The following ZNF728 variants were observed in gnomAD, a reference collection of about 807,000 sequenced individuals.
ZNF728 encodes zinc finger protein 728.
Under a neutral mutation model 12.5 loss-of-function variants are expected in ZNF728, and 12 were observed. The ratio of observed to expected loss-of-function variants is 0.96; its 90% confidence interval spans 0.61 to 1.55. The LOEUF (loss-of-function observed/expected upper bound fraction) is 1.55, where lower values mean the gene tolerates loss of function less well. Ranked by LOEUF, ZNF728 falls within the 40% of genes most tolerant of loss-of-function variation. The probability of loss-of-function intolerance (pLI) is 0.00; values close to 1 mark genes in which losing one functional copy is unlikely to be tolerated. For missense variants in ZNF728, 692 were observed against 719.2 expected, an observed-to-expected ratio of 0.96 and a Z score of 0.43; for synonymous variants, 205 against 240.7, an observed-to-expected ratio of 0.85 and a Z score of 1.37.
chr19:22,979,450 C>T (rs1305337720), intron 3 of ZNF728, among the ~76,000 whole-genome samples: 2 of 152,058 alleles, frequency 1.3e-5, no homozygotes, highest in African/African-American at 4.8e-5. Flanking sequence ...TTCAGGATAT[C>T]ATCCAGGAGA....
chr19:22,990,695 C>A (rs559483299), intron 1 of ZNF728, among the ~76,000 whole-genome samples: 3 of 152,098 alleles, frequency 2.0e-5, no homozygotes, highest in African/African-American at 7.2e-5. Context: ...ATACTTGATT[C>A]TGGCCTCACC....
In ZNF728 at chr19:22,976,482, T is replaced by G; in HGVS notation, c.855A>C (p.Lys285Asn). 6.2e-7 allele frequency: 1 copy of G among 1,613,136 alleles called. No homozygotes were observed. Among genetic ancestry groups the G allele is most frequent in the South Asian group, 1.1e-5 (1 of 91,076 alleles). ...KRSHAGEKPY[K>N]CEECGKAFSK... ...TAAAGGCTTTGCCACATTCTTCACATTTGTAGGGTTTCTCTCCAGCATGAC... is the reference window on the plus strand; with the variant it reads ...TAAAGGCTTTGCCACATTCTTCACAGTTGTAGGGTTTCTCTCCAGCATGAC... Residue 285 changes from lysine (K) to asparagine (N), a missense_variant, in exon 4 of 4, where the codon AAA becomes AAC. By Grantham distance (94) the Lys-to-Asn change is moderately conservative. Coordinates refer to ENST00000594710, the MANE Select transcript of ZNF728 (RefSeq NM_001267716.2).
chr19:22,982,513 A>G (rs1211274303), intron 3 of ZNF728, among the ~76,000 whole-genome samples: 1 of 152,200 alleles, frequency 6.6e-6, no homozygotes, highest in African/African-American at 2.4e-5. Flanking sequence ...TGAAAAAACT[A>G]AATTTAATAT....
At chr19:22,991,212 T>G (rs916872697) in intron 1 of ZNF728, among the ~76,000 whole-genome samples, 2 of 152,196 alleles carry the variant, frequency 1.3e-5, no homozygotes, top group Non-Finnish European at 1.5e-5. Flanking sequence ...GAAAACAACA[T>G]GTGCACATGT....
intron 3 of ZNF728, among the ~76,000 whole-genome samples, chr19:22,985,332 G>T (rs1227953988): frequency 6.6e-6 from 1 of 152,134 alleles, no homozygotes; most frequent in Non-Finnish European, 1.5e-5. Context: ...TGACAAAAAT[G>T]TCTTAATGAG....
At chr19:22,981,095 CTGA>C (rs139538017) in intron 3 of ZNF728, among the ~76,000 whole-genome samples, 17,820 of 151,520 alleles carry the variant, frequency 0.12, 1,541 homozygotes, top group African/African-American at 0.24. Context: ...AATCCAGGGG[CTGA>C]TTTTTTGAAA....
In ZNF728 at chr19:22,975,372, T is replaced by C; in HGVS notation, c.*96A>G. 10 of 1,159,458 alleles carry C rather than the reference T, an allele frequency of 8.6e-6. No homozygotes were observed. Among genetic ancestry groups the C allele is most frequent in the Non-Finnish European group, 1.1e-5 (9 of 817,926 alleles). 71.8% of individuals were successfully genotyped at this position (1,159,458 alleles called of 1,614,324 possible). A position where few individuals can be genotyped will look rare whatever the true frequency, so the allele number is the denominator to read the frequency against. On this transcript the variant is annotated 3_prime_UTR_variant, in exon 4 of 4. Transcript: ENST00000594710. ...AAGGATTGAGGAACAGTTAAAAAAT[T>C]TGCCACATTCTTCACATTTGTAGGG...
In ZNF728 at chr19:22,976,473, T is replaced by G; in HGVS notation, c.864A>C (p.Glu288Asp). ...HAGEKPYKCE[E>D]CGKAFSKAST... ...AGGCCTTACTAAAGGCTTTGCCACA[T>G]TCTTCACATTTGTAGGGTTTCTCTC... The change falls in exon 4 of 4, where the codon GAA (glutamate) becomes GAC (aspartate). Residue 288 changes from glutamate (E) to aspartate (D), a missense_variant. Glu to Asp is a conservative substitution (Grantham distance 45). This residue lies in a region of ZNF728 where 440 missense variants were observed against 459.6 expected (regional missense o/e 0.96). Coordinates refer to ENST00000594710, the MANE Select transcript of ZNF728 (RefSeq NM_001267716.2). 1 of 1,613,262 alleles carries G rather than the reference T, an allele frequency of 6.2e-7. No individual in the cohort carries two copies. The highest frequency in any genetic ancestry group is 1.7e-5 in the Admixed American group (1 of 59,986).
At chr19:22,982,255 C>A (rs1229525983) in intron 3 of ZNF728, among the ~76,000 whole-genome samples, 1 of 152,162 alleles carries the variant, frequency 6.6e-6, no homozygotes, top group Non-Finnish European at 1.5e-5. Flanking sequence ...TGACTGAGCT[C>A]CCATTCACAA....
At chr19:22,999,221 T>C (rs1223412827) in intron 1 of ZNF728, among the ~76,000 whole-genome samples, 1 of 152,226 alleles carries the variant, frequency 6.6e-6, no homozygotes, top group Non-Finnish European at 1.5e-5. Context: ...AAAGATCTTA[T>C]AGTTGGTACT....
chr19:22,982,098 C>A (rs182912436), intron 3 of ZNF728, among the ~76,000 whole-genome samples: 1 of 152,110 alleles, frequency 6.6e-6, no homozygotes, highest in African/African-American at 2.4e-5. Flanking sequence ...CTTTCTCTAT[C>A]TGCAGATGAC....
At chr19:22,991,077 C>G (rs1281640404) in intron 1 of ZNF728, among the ~76,000 whole-genome samples, 1 of 152,196 alleles carries the variant, frequency 6.6e-6, no homozygotes. Context: ...GCACTCTTGT[C>G]ACAACACAAA....
chr19:22,989,326 A>C (rs1407071963), intron 1 of ZNF728, among the ~76,000 whole-genome samples: 1 of 152,118 alleles, frequency 6.6e-6, no homozygotes, highest in Non-Finnish European at 1.5e-5. Flanking sequence ...TCAAATACCC[A>C]GTAATTGAAT....
Position 22,988,445 on chromosome 19 carries a change from A to G in ZNF728, c.10T>C (p.Leu4=), listed in dbSNP as rs1568276544. ...TGTATGGCCACATCCCGAAATGTCA[A>G]CGATCCCTGGAAAACACACACAAAC... MGS[L]TFRDVAIQFS... is the part of the protein sequence containing the mutation. Residue 4 remains leucine, a synonymous_variant, in exon 2 of 4, where the codon TTG becomes CTG. Coordinates refer to ENST00000594710, the MANE Select transcript of ZNF728 (RefSeq NM_001267716.2). 1 of 1,613,980 alleles carries G rather than the reference A, an allele frequency of 6.2e-7. No homozygotes were observed. The highest frequency in any genetic ancestry group is 8.5e-7 in the Non-Finnish European group (1 of 1,179,936).
At chr19:22,993,031 C>G (rs1172089230) in intron 1 of ZNF728, among the ~76,000 whole-genome samples, 1 of 152,180 alleles carries the variant, frequency 6.6e-6, no homozygotes, top group Admixed American at 6.5e-5. Context: ...ATACTTTACT[C>G]CAGTATCACA....
At chr19:22,984,435 T>C (rs545024626) in intron 3 of ZNF728, among the ~76,000 whole-genome samples, 1 of 151,766 alleles carries the variant, frequency 6.6e-6, no homozygotes, top group African/African-American at 2.4e-5. Flanking sequence ...GGCATGCACC[T>C]GTAGTCCCAG....
Position 22,976,196 on chromosome 19 carries a change from A to G in ZNF728, c.1141T>C (p.Ser381Pro), listed in dbSNP as rs1968795746. ...ATTCTCTTGTGTTCAGTAAGGCTTG[A>G]GGGCCAGCTGAAGGCTTTGCCACAT... Reference protein sequence around the residue: ...EECGKAFSWPSSLTEHKRIHA... With the variant: ...EECGKAFSWPPSLTEHKRIHA... Residue 381 changes from serine (S) to proline (P), a missense_variant, in exon 4 of 4, where the codon TCA becomes CCA. By Grantham distance (74) the Ser-to-Pro change is moderately conservative. This residue lies in a region of ZNF728 where 440 missense variants were observed against 459.6 expected (regional missense o/e 0.96). Transcript: ENST00000594710. 1 of 1,613,274 alleles carries G rather than the reference A, an allele frequency of 6.2e-7. No individual in the cohort carries two copies. The highest frequency in any genetic ancestry group is 1.3e-5 in the African/African-American group (1 of 74,766).
intron 3 of ZNF728, among the ~76,000 whole-genome samples, chr19:22,979,712 A>G (rs1452156342): frequency 6.6e-6 from 1 of 152,214 alleles, no homozygotes; most frequent in African/African-American, 2.4e-5. Flanking sequence ...AATATTCAAC[A>G]TTCTTAAAGA....
chr19:22,990,660 C>T (rs184845566), intron 1 of ZNF728, among the ~76,000 whole-genome samples: 224 of 152,060 alleles, frequency 1.5e-3, no homozygotes, highest in African/African-American at 5.2e-3. Flanking sequence ...GAACTTAACT[C>T]TCATGAATGT....
Sources: allele counts gnomAD v4.1 joint callset (sites outside exome capture counted in the v4.1 genomes callset), GRCh38; gene constraint gnomAD v4.1.1; regional missense constraint gnomAD v4.1.1; transcripts MANE v1.5; gene names NCBI Gene and HGNC (gene_info 2026-07-23, HGNC 2026-07-21).